ERGIC1: variants seen among roughly 807,000 people sequenced by gnomAD.
The protein encoded by ERGIC1 is endoplasmic reticulum-Golgi intermediate compartment protein 1.
In ERGIC1, 19 loss-of-function variants were observed where a neutral mutation model predicts 38.3. That is an observed-to-expected ratio of 0.50 (90% confidence interval 0.35 to 0.73). The LOEUF (loss-of-function observed/expected upper bound fraction) is 0.73. Ranked by LOEUF, ERGIC1 falls within the 30% of genes least tolerant of loss-of-function variation. The probability of loss-of-function intolerance (pLI) is 0.01; values close to 1 mark genes in which losing one functional copy is unlikely to be tolerated. For missense variants in ERGIC1, 294 were observed against 389.2 expected, an observed-to-expected ratio of 0.76 and a Z score of 2.06; for synonymous variants, 124 against 157.6, an observed-to-expected ratio of 0.79 and a Z score of 1.60.
chr5:172,940,787 C>G (rs1337105327), intron 9 of ERGIC1, among the ~76,000 whole-genome samples: 3 of 152,238 alleles, frequency 2.0e-5, no homozygotes, highest in Admixed American at 6.5e-5. Context: ...GCCTCACCCA[C>G]AGACGTTCCT....
chr5:172,870,314 A>G (rs1286892796), intron 1 of ERGIC1, among the ~76,000 whole-genome samples: 2 of 152,114 alleles, frequency 1.3e-5, no homozygotes, highest in African/African-American at 4.8e-5. Context: ...GGTTCCAGCC[A>G]TGTGCCAAGC....
intron 1 of ERGIC1, among the ~76,000 whole-genome samples, chr5:172,847,493 C>T (rs1452190786): frequency 6.6e-6 from 1 of 152,038 alleles, no homozygotes; most frequent in Non-Finnish European, 1.5e-5. Context: ...TCCTAAACAG[C>T]ATGTGATATA....
At chr5:172,843,512 C>T (rs1159334771) in intron 1 of ERGIC1, among the ~76,000 whole-genome samples, 1 of 152,238 alleles carries the variant, frequency 6.6e-6, no homozygotes, top group Non-Finnish European at 1.5e-5. Context: ...CCTAAAGTAT[C>T]CTTTAAGAAC....
intron 7 of ERGIC1, among the ~76,000 whole-genome samples, chr5:172,929,403 G>T (rs529538118): frequency 6.6e-6 from 1 of 152,252 alleles, no homozygotes; most frequent in Non-Finnish European, 1.5e-5. Context: ...GAGCTTGAAG[G>T]GAATGTGGGC....
At chr5:172,928,235 G>A (rs549068121) in intron 7 of ERGIC1, among the ~76,000 whole-genome samples, 1 of 152,324 alleles carries the variant, frequency 6.6e-6, no homozygotes, top group African/African-American at 2.4e-5. Context: ...AGAAAACCTT[G>A]CCTTCTCCAG....
At chr5:172,880,484 C>G (rs1260533520) in intron 1 of ERGIC1, among the ~76,000 whole-genome samples, 7 of 152,026 alleles carry the variant, frequency 4.6e-5, no homozygotes, top group Admixed American at 2.6e-4. Context: ...CACCACCACA[C>G]CCAACCAATT....
chr5:172,864,014 G>A (rs966354417), intron 1 of ERGIC1, among the ~76,000 whole-genome samples: 1 of 152,144 alleles, frequency 6.6e-6, no homozygotes, highest in African/African-American at 2.4e-5. Context: ...TGACCAACAT[G>A]CTGAAACTTC....
chr5:172,889,837 G>A (rs1762514150), intron 2 of ERGIC1, among the ~76,000 whole-genome samples: 1 of 152,162 alleles, frequency 6.6e-6, no homozygotes. Flanking sequence ...CCAAAAACCT[G>A]AAATCCAAAA....
At position 172,872,911 on chromosome 5, in the gene ERGIC1, A is replaced by T. The variant is rs562199707; in HGVS notation, c.21-15788A>T. Among the ~76,000 whole-genome samples the T allele has an allele frequency of 2.0e-5, 3 of 152,370 alleles. No homozygotes were observed. In the South Asian group the frequency reaches 6.2e-4, roughly 32 times the overall value. ...ATTGGGCAGGTGGAGGTCAAGGGAC[A>T]CTTGGGGTCCCCAAAAGGGGCACCT... is the stretch of plus-strand genomic sequence containing the variant. On this transcript the variant is annotated intron_variant, in intron 1 of 9. Transcript: ENST00000393784.
intron 9 of ERGIC1, among the ~76,000 whole-genome samples, chr5:172,948,471 A>C (rs988912751): frequency 6.6e-6 from 1 of 152,130 alleles, no homozygotes; most frequent in African/African-American, 2.4e-5. Context: ...TGGGGCTGCT[A>C]ATGTCCTCTG....
At chr5:172,947,539 A>G (rs1405375342) in intron 9 of ERGIC1, among the ~76,000 whole-genome samples, 2 of 152,208 alleles carry the variant, frequency 1.3e-5, no homozygotes, top group Non-Finnish European at 1.5e-5. Flanking sequence ...CACCTCCTCA[A>G]GTGAACAGTG....
intron 3 of ERGIC1, among the ~76,000 whole-genome samples, chr5:172,906,592 G>A (rs1763032636): frequency 6.6e-6 from 1 of 152,168 alleles, no homozygotes; most frequent in Admixed American, 6.5e-5. Context: ...GCGCAAAGAT[G>A]TGGTCTTAGT....
At chr5:172,854,539 T>C (rs1289148819) in intron 1 of ERGIC1, among the ~76,000 whole-genome samples, 1 of 152,262 alleles carries the variant, frequency 6.6e-6, no homozygotes, top group Non-Finnish European at 1.5e-5. Flanking sequence ...CCCACCCACC[T>C]ACCCACATCC....
At chr5:172,860,483 C>G (rs982549365) in intron 1 of ERGIC1, among the ~76,000 whole-genome samples, 1 of 152,240 alleles carries the variant, frequency 6.6e-6, no homozygotes, top group African/African-American at 2.4e-5. Context: ...GGGGTTTGAA[C>G]CCAGGCCTCC....
chr5:172,838,195 G>A (rs1033812007), intron 1 of ERGIC1, among the ~76,000 whole-genome samples: 4 of 152,224 alleles, frequency 2.6e-5, no homozygotes, highest in Non-Finnish European at 5.9e-5. Context: ...ATGCACACTT[G>A]CAGGATCAAT....
intron 3 of ERGIC1, among the ~76,000 whole-genome samples, chr5:172,899,859 T>C (rs1401079792): frequency 1.3e-5 from 2 of 152,242 alleles, no homozygotes; most frequent in African/African-American, 4.8e-5. Context: ...CAAACAAGAT[T>C]ATTTAGCTGA....
chr5:172,939,988 T>C (rs949431338), intron 9 of ERGIC1, among the ~76,000 whole-genome samples: 1 of 152,158 alleles, frequency 6.6e-6, no homozygotes, highest in Non-Finnish European at 1.5e-5. Context: ...AACACTTGCG[T>C]GCAAAGCCCC....
chr5:172,844,507 G>A (rs761019997), intron 1 of ERGIC1, among the ~76,000 whole-genome samples: 13 of 152,358 alleles, frequency 8.5e-5, no homozygotes, highest in Non-Finnish European at 1.3e-4. Flanking sequence ...TGTCGCACAT[G>A]GCAGTGTGAC....
chr5:172,860,702 A>G (rs1271064659), intron 1 of ERGIC1, among the ~76,000 whole-genome samples: 1 of 152,226 alleles, frequency 6.6e-6, no homozygotes, highest in Non-Finnish European at 1.5e-5. Context: ...TCCTGGGGTC[A>G]GGACAAGGAG....
Sources: allele counts gnomAD v4.1 joint callset (sites outside exome capture counted in the v4.1 genomes callset), GRCh38; gene constraint gnomAD v4.1.1; transcripts MANE v1.5; gene names NCBI Gene and HGNC (gene_info 2026-07-23, HGNC 2026-07-21).